Variants in KDM2B observed in about 807,000 individuals in gnomAD.
The protein encoded by KDM2B is lysine-specific demethylase 2B.
Under a neutral mutation model 150.0 loss-of-function variants are expected in KDM2B, and 26 were observed. The ratio of observed to expected loss-of-function variants is 0.17; its 90% CI spans 0.13 to 0.24. KDM2B has a LOEUF of 0.24. Ranked by LOEUF, KDM2B falls within the 10% of genes least tolerant of loss-of-function variation. The probability of loss-of-function intolerance (pLI) is 1.00; values close to 1 mark genes in which losing one functional copy is unlikely to be tolerated. For missense variants in KDM2B, 1,265 were observed against 1,816.9 expected, an observed-to-expected ratio of 0.70 and a Z score of 5.52; for synonymous variants, 734 against 729.5, an observed-to-expected ratio of 1.01 and a Z score of -0.10.
chr12:121,436,416 G>C lies in KDM2B; in HGVS notation c.3829+3441C>G, dbSNP rs1419843925. The stretch of plus-strand genomic sequence containing the variant: ...GGCACCTGTAGTCCCAGCTACTCGG[G>C]AGGCTGAGGCGGGAGAATGGCGTGA... On this transcript the variant is annotated intron_variant, in intron 22 of 22. Transcript: ENST00000377071. 3.9e-5 allele frequency among the ~76,000 whole-genome samples: 6 copies of C among 152,174 alleles called. No homozygotes were observed. The East Asian group carries it at 1.2e-3, about 29-fold the overall frequency.
At position 121,580,975 on chromosome 12, in the gene KDM2B, C is replaced by A; in HGVS notation, c.-64G>T. The A allele has an allele frequency of 6.4e-7, 1 of 1,573,222 alleles. No individual in the cohort carries two copies. The highest frequency in any genetic ancestry group is 1.2e-5 in the South Asian group (1 of 84,606). ...TCGGCTTCCATACCTATAAGGACTG[C>A]CTAACTTTTAAACTCCCGGCACTCA... On this transcript the variant is annotated 5_prime_UTR_variant, in exon 1 of 23. Coordinates refer to ENST00000377071, the MANE Select transcript of KDM2B (RefSeq NM_032590.5).
chr12:121,488,182 G>T (rs1465751056), intron 12 of KDM2B, among the ~76,000 whole-genome samples: 4 of 152,144 alleles, frequency 2.6e-5, no homozygotes, highest in Non-Finnish European at 5.9e-5. Flanking sequence ...AGTCATTCAG[G>T]TCCTTGCTTG....
chr12:121,548,773 G>A (rs1555311203), intron 6 of KDM2B, 104 bp downstream of exon 6: 9 of 836,438 alleles, frequency 1.1e-5, no homozygotes, highest in Middle Eastern at 2.7e-4. Flanking sequence ...CGGTTGTGAC[G>A]CTCAAGCCTT....
intron 19 of KDM2B, among the ~76,000 whole-genome samples, chr12:121,441,531 G>A (rs1875046631): frequency 6.6e-6 from 1 of 152,144 alleles, no homozygotes; most frequent in Admixed American, 6.6e-5. Flanking sequence ...CCGTCTCCCA[G>A]GTTCAAGCTA....
rs200816991 is a variant in KDM2B at position 121,543,334 on chromosome 12, C to A, written c.683+5543G>T. 1.9e-4 allele frequency among the ~76,000 whole-genome samples: 29 copies of A among 152,112 alleles called. No homozygotes were observed. The East Asian group carries it at 5.0e-3, about 26-fold the overall frequency. The stretch of plus-strand genomic sequence containing the variant: ...TCTCACCACTGCGCTCCAGCCTGGG[C>A]GACAGAGTGAAACTCTTTCTCAAAA... On this transcript the variant is annotated intron_variant, in intron 6 of 22. Transcript: ENST00000377071.
intron 12 of KDM2B, among the ~76,000 whole-genome samples, chr12:121,478,429 G>A (rs1881642027): frequency 6.7e-6 from 1 of 149,488 alleles, no homozygotes; most frequent in South Asian, 2.1e-4. Flanking sequence ...GCGTGATCTC[G>A]GCTCACTGCA....
At chr12:121,579,549 G>T in intron 1 of KDM2B, 1 of 1,286,316 alleles carries the variant, frequency 7.8e-7, no homozygotes, top group Middle Eastern at 2.1e-4. Flanking sequence ...GAGAATCGGG[G>T]CTTGGAAGGG....
At chr12:121,444,612 C>A (rs545411740) in intron 14 of KDM2B, 76 bp from the exon 15 acceptor site, 5 of 1,239,386 alleles carry the variant, frequency 4.0e-6, no homozygotes, top group Admixed American at 3.4e-5. Context: ...TGTGACGCCA[C>A]GTCTTCCAGA....
chr12:121,516,779 G>A (rs1181492466), intron 9 of KDM2B: 4 of 659,626 alleles, frequency 6.1e-6, no homozygotes, highest in African/African-American at 1.8e-5. Context: ...GGTTTCTCGA[G>A]TGTATCTAGA....
Position 121,516,831 on chromosome 12 carries a change from G to A in KDM2B, c.1048-3429C>T, listed in dbSNP as rs1243058299. The A allele has an allele frequency of 1.2e-5, 8 of 668,100 alleles. No homozygotes were observed. The East Asian group carries it at 1.4e-4, about 11-fold the overall frequency. 41.4% of individuals were successfully genotyped at this position (668,100 alleles called of 1,614,324 possible). On this transcript the variant is annotated intron_variant, in intron 9 of 22. Coordinates refer to ENST00000377071, the MANE Select transcript of KDM2B (RefSeq NM_032590.5). ...GACTTGAAAAAGTCAAAATGTGAGA[G>A]TGGGTGGAAGTGTCCTACAATTTGT... is the stretch of plus-strand genomic sequence containing the variant.
chr12:121,545,439 TTAGA>T (rs1267313762), intron 6 of KDM2B, among the ~76,000 whole-genome samples: 2 of 151,802 alleles, frequency 1.3e-5, no homozygotes, highest in African/African-American at 4.8e-5. Context: ...TTTTTGGTAA[TTAGA>T]TAGGATCCTC....
intron 11 of KDM2B, among the ~76,000 whole-genome samples, chr12:121,506,922 G>A (rs1194450986): frequency 2.7e-5 from 4 of 150,560 alleles, no homozygotes; most frequent in African/African-American, 7.3e-5. Flanking sequence ...GGCATCAAGA[G>A]TGAAACTCCA....
chr12:121,492,903 C>T (rs1257748357), intron 12 of KDM2B, among the ~76,000 whole-genome samples: 1 of 151,502 alleles, frequency 6.6e-6, no homozygotes, highest in Non-Finnish European at 1.5e-5. Context: ...TTTCTTTCTC[C>T]TTTTTGTTTT....
At chr12:121,420,510 G>C in the KDM2B span, 1 of 1,581,906 alleles carries the variant, frequency 6.3e-7, no homozygotes, top group East Asian at 2.2e-5. Context: ...CAGGGCCAGT[G>C]ATGAGTTTAG....
intron 11 of KDM2B, among the ~76,000 whole-genome samples, chr12:121,504,585 T>C (rs1884878986): frequency 6.6e-6 from 1 of 151,986 alleles, no homozygotes; most frequent in Non-Finnish European, 1.5e-5. Flanking sequence ...AATAAGTAAA[T>C]CCACGGGACA....
chr12:121,506,241 G>A (rs575956132), intron 11 of KDM2B, among the ~76,000 whole-genome samples: 224 of 152,106 alleles, frequency 1.5e-3, no homozygotes, highest in African/African-American at 5.1e-3. Flanking sequence ...TCCTGGGCTC[G>A]TGTGATCGGC....
At chr12:121,538,796 T>C (rs1001810800) in intron 6 of KDM2B, among the ~76,000 whole-genome samples, 4 of 152,036 alleles carry the variant, frequency 2.6e-5, no homozygotes, top group African/African-American at 7.2e-5. Context: ...GAGGCAGTGC[T>C]CACCCAGGCA....
intron 7 of KDM2B, 133 bp downstream of exon 7, chr12:121,534,364 G>T: frequency 6.9e-6 from 4 of 580,368 alleles, no homozygotes; most frequent in Non-Finnish European, 9.2e-6. Flanking sequence ...AAAAAAAAAA[G>T]AGTAATCCTT....
intron 4 of KDM2B, among the ~76,000 whole-genome samples, chr12:121,563,098 G>A (rs1263884000): frequency 2.6e-5 from 4 of 151,664 alleles, no homozygotes; most frequent in South Asian, 2.1e-4. Flanking sequence ...TGGGTGGATC[G>A]CTTAGGCCCG....
Sources: allele counts gnomAD v4.1 joint callset (sites outside exome capture counted in the v4.1 genomes callset), GRCh38; gene constraint gnomAD v4.1.1; transcripts MANE v1.5; gene names NCBI Gene and HGNC (gene_info 2026-07-23, HGNC 2026-07-21).